The following ADGRB3 variants were observed in gnomAD, a reference collection of about 807,000 sequenced individuals.
ADGRB3 encodes brain-specific angiogenesis inhibitor 3.
Under a neutral mutation model 193.4 loss-of-function variants are expected in ADGRB3, and 37 were observed. That is an observed-to-expected ratio of 0.19 (90% CI 0.15 to 0.25). The LOEUF (loss-of-function observed/expected upper bound fraction) is 0.25. Ranked by LOEUF, ADGRB3 falls within the 10% of genes least tolerant of loss-of-function variation. The pLI, the probability that ADGRB3 is intolerant of heterozygous loss-of-function variation, is 1.00. For synonymous variants in ADGRB3, 690 were observed against 644.2 expected, an observed-to-expected ratio of 1.07 and a Z score of -1.08; for missense variants, 1,637 against 1,852.9, an observed-to-expected ratio of 0.88 and a Z score of 2.14.
intron 29 of ADGRB3, among the ~76,000 whole-genome samples, chr6:69,368,728 G>T (rs759529900): frequency 7.2e-5 from 11 of 152,038 alleles, no homozygotes; most frequent in Non-Finnish European, 1.3e-4. Flanking sequence ...GAGAGCTGAT[G>T]AGTGTTTTCA....
At chr6:69,187,214 T>C (rs953618033) in intron 17 of ADGRB3, among the ~76,000 whole-genome samples, 3 of 152,176 alleles carry the variant, frequency 2.0e-5, no homozygotes, top group African/African-American at 7.2e-5. Context: ...AAATTATTTT[T>C]GCCTTTAAAA....
chr6:68,889,129 T>C (rs1389516484), intron 3 of ADGRB3, among the ~76,000 whole-genome samples: 1 of 152,198 alleles, frequency 6.6e-6, no homozygotes, highest in African/African-American at 2.4e-5. Context: ...GACACAAAAG[T>C]ATAAATTGTT....
intron 30 of ADGRB3, 23 bp downstream of exon 30, chr6:69,372,464 A>G: frequency 7.9e-7 from 1 of 1,260,594 alleles, no homozygotes; most frequent in Non-Finnish European, 1.1e-6. Context: ...GAATTATTTT[A>G]GAATTGTAAT....
chr6:68,714,787 A>G (rs991958463), intron 3 of ADGRB3, among the ~76,000 whole-genome samples: 6 of 151,870 alleles, frequency 4.0e-5, no homozygotes, highest in Non-Finnish European at 8.8e-5. Flanking sequence ...ATGCTTAAAA[A>G]TATATAGACT....
chr6:69,228,299 A>G (rs1766061622), intron 17 of ADGRB3, among the ~76,000 whole-genome samples: 1 of 152,200 alleles, frequency 6.6e-6, no homozygotes, highest in Admixed American at 6.5e-5. Context: ...AACATTTATT[A>G]TTAAGACTAG....
At chr6:69,158,672 TAA>T (rs902907671) in intron 17 of ADGRB3, among the ~76,000 whole-genome samples, 3 of 152,096 alleles carry the variant, frequency 2.0e-5, no homozygotes, top group African/African-American at 7.2e-5. Context: ...CCTCATTTCA[TAA>T]GTCTTTCAAC....
chr6:69,061,413 C>A (rs73467751), intron 15 of ADGRB3, among the ~76,000 whole-genome samples: 2,335 of 152,028 alleles, frequency 0.015, 53 homozygotes, highest in African/African-American at 0.049. Context: ...CAGCATGGTT[C>A]CACCGTATCA....
At chr6:69,306,401 C>T (rs1270615057) in intron 20 of ADGRB3, among the ~76,000 whole-genome samples, 2 of 151,430 alleles carry the variant, frequency 1.3e-5, no homozygotes, top group Non-Finnish European at 2.9e-5. Context: ...TGCCTCTTCT[C>T]ATTAATAGAA....
chr6:68,743,742 C>T (rs1766026755), intron 3 of ADGRB3, among the ~76,000 whole-genome samples: 1 of 152,036 alleles, frequency 6.6e-6, no homozygotes, highest in African/African-American at 2.4e-5. Flanking sequence ...AAGTAAATTT[C>T]TGTTGAGAAA....
intron 13 of ADGRB3, among the ~76,000 whole-genome samples, chr6:69,027,995 C>T (rs80164607): frequency 0.057 from 8,699 of 152,250 alleles, 258 homozygotes; most frequent in African/African-American, 0.078. Flanking sequence ...TCCTTCCTAA[C>T]TCCAACCCAA....
chr6:68,686,049 G>C (rs1764977769), intron 3 of ADGRB3, among the ~76,000 whole-genome samples: 1 of 152,142 alleles, frequency 6.6e-6, no homozygotes, highest in Non-Finnish European at 1.5e-5. Context: ...GAAAATATGT[G>C]TCCTTTAAAG....
chr6:69,148,653 CCTA>C (rs1774575411), intron 17 of ADGRB3, among the ~76,000 whole-genome samples: 1 of 152,104 alleles, frequency 6.6e-6, no homozygotes, highest in Non-Finnish European at 1.5e-5. Context: ...ATGATTTCTT[CCTA>C]CTGATCAATG....
At chr6:69,127,577 G>A (rs1773885998) in intron 17 of ADGRB3, among the ~76,000 whole-genome samples, 1 of 152,056 alleles carries the variant, frequency 6.6e-6, no homozygotes, top group Non-Finnish European at 1.5e-5. Flanking sequence ...TAAAAATGAG[G>A]ATAAAATATA....
At chr6:69,018,286 A>T (rs1459486114) in intron 12 of ADGRB3, 105 bp from the exon 13 acceptor site, 1 of 650,758 alleles carries the variant, frequency 1.5e-6, no homozygotes, top group Admixed American at 2.9e-5. Flanking sequence ...TTTTGAAGTG[A>T]AACAAAGCTC....
chr6:69,316,573 C>A lies in ADGRB3; in HGVS notation c.2815-8299C>A, dbSNP rs111899323. On this transcript the variant is annotated intron_variant, in intron 20 of 31. Transcript: ENST00000370598. ...TTGTAGAATTTTAGATCTAGGAAAGCCTTTCACAACTGTATAATAAAACTC... is the reference window on the plus strand; with the variant it reads ...TTGTAGAATTTTAGATCTAGGAAAGACTTTCACAACTGTATAATAAAACTC... 7.8e-3 allele frequency among the ~76,000 whole-genome samples: 1,188 copies of A among 151,454 alleles called. 11 individuals carry two copies. The highest frequency in any genetic ancestry group is 0.061 in the Middle Eastern group (18 of 294).
At chr6:68,785,304 C>A in intron 3 of ADGRB3, among the ~76,000 whole-genome samples, 1 of 110,898 alleles carries the variant, frequency 9.0e-6, no homozygotes, top group African/African-American at 3.4e-5. Flanking sequence ...TATCCCTCCC[C>A]CCTCCCCCCA....
chr6:68,837,841 A>T (rs1318231933), intron 3 of ADGRB3, among the ~76,000 whole-genome samples: 1 of 152,152 alleles, frequency 6.6e-6, no homozygotes, highest in African/African-American at 2.4e-5. Context: ...CTTCAAGGAG[A>T]ATCCTGCTGT....
At chr6:68,821,583 TC>T (rs1458440025) in intron 3 of ADGRB3, among the ~76,000 whole-genome samples, 3 of 151,838 alleles carry the variant, frequency 2.0e-5, no homozygotes, top group Non-Finnish European at 4.4e-5. Flanking sequence ...ATTATTTGTT[TC>T]TATAAAAAAA....
rs1405837328 is a variant in ADGRB3 at position 69,235,117 on chromosome 6, T to C, written c.2693T>C (p.Val898Ala). 2 of 1,608,608 alleles carry C rather than the reference T, an allele frequency of 1.2e-6. No homozygotes were observed. Among genetic ancestry groups the C allele is most frequent in the Non-Finnish European group, 1.7e-6 (2 of 1,175,114 alleles). The change falls in exon 19 of 32, where the codon GTC (valine) becomes GCC (alanine). Residue 898 changes from valine (V) to alanine (A), a missense_variant. Transcript: ENST00000370598. ...TTGGCCTTGATTACCCTAGCAGTTGTCTATGCAGCATTATGGAGGTAAGTA... is the reference window on the plus strand; with the variant it reads ...TTGGCCTTGATTACCCTAGCAGTTGCCTATGCAGCATTATGGAGGTAAGTA... ...SCLALITLAV[V>A]YAALWRYIRS...
Sources: allele counts gnomAD v4.1 joint callset (sites outside exome capture counted in the v4.1 genomes callset), GRCh38; gene constraint gnomAD v4.1.1; transcripts MANE v1.5; gene names NCBI Gene and HGNC (gene_info 2026-07-23, HGNC 2026-07-21).